Variants in ARGLU1 observed in about 807,000 individuals in gnomAD.
The protein encoded by ARGLU1 is arginine and glutamate-rich protein 1.
ARGLU1 carries 9 observed loss-of-function variants against 37.6 expected under a neutral mutation model. The observed-to-expected ratio is 0.24, with a 90% CI of 0.14 to 0.42. The LOEUF is 0.42. Ranked by LOEUF, ARGLU1 falls within the 10% of genes least tolerant of loss-of-function variation. The pLI is 1.00. For synonymous variants in ARGLU1, 166 were observed against 138.5 expected (o/e 1.20, Z -1.39); for missense variants, 211 against 359.2 (o/e 0.59, Z 3.34).
At chr13:106,551,666 C>T (rs1299526395) in intron 3 of ARGLU1, among the ~76,000 whole-genome samples, 1 of 152,162 alleles carries the variant, frequency 6.6e-6, no homozygotes, top group Non-Finnish European at 1.5e-5. Flanking sequence ...GGGCTGAAAG[C>T]AAGGTGTCAG....
At position 106,543,825 on chromosome 13, in the gene ARGLU1, GA is replaced by G. The variant is rs11349875; in HGVS notation, c.*170del. ...TGATAAGGATTTGACTTAGTGGAAGGAAAAAAAAAAAAAAAAAGGGAATTGC... is the reference window on the plus strand; with the variant it reads ...TGATAAGGATTTGACTTAGTGGAAGGAAAAAAAAAAAAAAAAGGGAATTGC... On this transcript the variant is annotated 3_prime_UTR_variant, in exon 4 of 4. Coordinates refer to ENST00000400198, the MANE Select transcript of ARGLU1 (RefSeq NM_018011.4). 186,089 of 407,228 alleles carry G rather than the reference GA, an allele frequency of 0.46. 21,170 individuals are homozygous for G. Among genetic ancestry groups the G allele is most frequent in the Admixed American group, 0.51 (9,538 of 18,882 alleles). 25.2% of individuals were successfully genotyped at this position (407,228 alleles called of 1,614,324 possible).
chr13:106,566,087 C>CT (rs925824741), intron 1 of ARGLU1, among the ~76,000 whole-genome samples: 2 of 152,212 alleles, frequency 1.3e-5, no homozygotes, highest in Admixed American at 1.3e-4. Context: ...ATCTTTACAG[C>CT]TAAGGGCCTT....
intron 2 of ARGLU1, chr13:106,558,911 G>A (rs1880724392): frequency 1.0e-6 from 1 of 985,388 alleles, no homozygotes; most frequent in Non-Finnish European, 1.2e-6. Context: ...CAGGGTTTAG[G>A]GGAGGGAGTG....
In ARGLU1 at chr13:106,543,961, C is replaced by T. The variant is rs1269299196; in HGVS notation, c.*35G>A. The T allele has an allele frequency of 6.5e-7, 1 of 1,548,420 alleles. No individual in the cohort carries two copies. Among genetic ancestry groups the T allele is most frequent in the Non-Finnish European group, 8.6e-7 (1 of 1,156,766 alleles). ...CATGAAGCTACCATACAAAGTTTTTCCATTTTTCTTTGTAAAAAGTTCAGA... is the reference window on the plus strand; with the variant it reads ...CATGAAGCTACCATACAAAGTTTTTTCATTTTTCTTTGTAAAAAGTTCAGA... On this transcript the variant is annotated 3_prime_UTR_variant, in exon 4 of 4. Coordinates refer to ENST00000400198, the MANE Select transcript of ARGLU1 (RefSeq NM_018011.4).
intron 3 of ARGLU1, among the ~76,000 whole-genome samples, chr13:106,549,453 A>T (rs1363427913): frequency 6.6e-6 from 1 of 152,016 alleles, no homozygotes; most frequent in Non-Finnish European, 1.5e-5. Flanking sequence ...TGAATAAAAA[A>T]ATGAAAAAAA....
chr13:106,561,354 GA>G (rs1880794755), intron 1 of ARGLU1, among the ~76,000 whole-genome samples: 1 of 151,612 alleles, frequency 6.6e-6, no homozygotes, highest in South Asian at 2.1e-4. Context: ...GTTGAATCTG[GA>G]TAATGAGTAC....
In ARGLU1 at chr13:106,542,342, A is replaced by G. The variant is rs979243122; in HGVS notation, c.*1654T>C. On this transcript the variant is annotated 3_prime_UTR_variant, in exon 4 of 4. Transcript: ENST00000400198. ...TTCATGAAATAATTACAGCTAACCT[A>G]TATTTAGAGATAAAATATTTTTTGG... 2.6e-5 allele frequency: 4 copies of G among 152,058 alleles called. No homozygotes were observed. Among genetic ancestry groups the G allele is most frequent in the Admixed American group, 6.5e-5 (1 of 15,268 alleles). 9.4% of individuals were successfully genotyped at this position (152,058 alleles called of 1,614,324 possible). A position where few individuals can be genotyped will look rare whatever the true frequency, so the allele number is the denominator to read the frequency against.
chr13:106,563,009 C>A (rs11069648), intron 1 of ARGLU1, among the ~76,000 whole-genome samples: 14,593 of 92,786 alleles, frequency 0.16, 1,314 homozygotes, highest in East Asian at 0.33. Flanking sequence ...AAAAAAAAAA[C>A]AAAAAAAAAA....
At chr13:106,554,853 C>T (rs1445151356) in intron 3 of ARGLU1, among the ~76,000 whole-genome samples, 1 of 150,786 alleles carries the variant, frequency 6.6e-6, no homozygotes, top group Admixed American at 6.6e-5. Context: ...CCACTGCACT[C>T]CAGCCTAGGC....
At chr13:106,546,396 CCTTT>C (rs938780467) in intron 3 of ARGLU1, among the ~76,000 whole-genome samples, 9 of 152,318 alleles carry the variant, frequency 5.9e-5, no homozygotes, top group Admixed American at 5.9e-4. Context: ...TCTAAATTCT[CCTTT>C]CTATCTTGTT....
chr13:106,551,565 A>G (rs1880531030), intron 3 of ARGLU1, among the ~76,000 whole-genome samples: 1 of 152,134 alleles, frequency 6.6e-6, no homozygotes, highest in Admixed American at 6.5e-5. Context: ...TTCCAAAACC[A>G]CTTCCACATT....
At chr13:106,549,148 T>C (rs1880470771) in intron 3 of ARGLU1, among the ~76,000 whole-genome samples, 1 of 152,246 alleles carries the variant, frequency 6.6e-6, no homozygotes, top group Non-Finnish European at 1.5e-5. Context: ...TTAATCAAGG[T>C]AGTTCTTAGC....
rs1436124754 is a variant in ARGLU1, at chr13:106,542,027, C to A, written c.*1969G>T. On this transcript the variant is annotated 3_prime_UTR_variant, in exon 4 of 4. Coordinates refer to ENST00000400198, the MANE Select transcript of ARGLU1 (RefSeq NM_018011.4). ...GGAAAGTAGTTACCAAGCACAGGAACAATTTCAACATCTCACTGGAGTCTC... is the reference window on the plus strand; with the variant it reads ...GGAAAGTAGTTACCAAGCACAGGAAAAATTTCAACATCTCACTGGAGTCTC... The A allele has an allele frequency of 2.6e-5, 4 of 151,988 alleles. No homozygotes were observed. The highest frequency in any genetic ancestry group is 2.0e-4 in the Admixed American group (3 of 15,256). The allele number at this position is 151,988 out of a possible 1,614,324, so 9.4% of individuals were successfully genotyped here. A position where few individuals can be genotyped will look rare whatever the true frequency, so the allele number is the denominator to read the frequency against.
Position 106,567,926 on chromosome 13 carries a change from G to C in ARGLU1, c.-7C>G, listed in dbSNP as rs749072172. On this transcript the variant is annotated 5_prime_UTR_variant, in exon 1 of 4. Coordinates refer to ENST00000400198, the MANE Select transcript of ARGLU1 (RefSeq NM_018011.4). The surrounding 1 kb of genome is among the most constrained non-coding windows in gnomAD (Gnocchi z 4.3). Reference sequence around the variant, plus strand: ...GGCTCCGAGACCGGCCCATCCTTCCGGGAGACGCTCTAACCGCTCGCCTCA... The same window carrying C: ...GGCTCCGAGACCGGCCCATCCTTCCCGGAGACGCTCTAACCGCTCGCCTCA... 3.7e-6 allele frequency: 6 copies of C among 1,604,456 alleles called. No homozygotes were observed. The highest frequency in any genetic ancestry group is 1.7e-5 in the Admixed American group (1 of 58,914).
intron 2 of ARGLU1, chr13:106,558,813 T>C (rs1167685042): frequency 1.4e-5 from 14 of 985,204 alleles, no homozygotes; most frequent in Non-Finnish European, 1.7e-5. Flanking sequence ...ATAATCTGGA[T>C]ATTTTTCCTA....
In ARGLU1 at chr13:106,567,668, G is replaced by T. The variant is rs369104883; in HGVS notation, c.252C>A (p.Ile84=). 1.2e-6 allele frequency: 2 copies of T among 1,613,448 alleles called. No homozygotes were observed. Among genetic ancestry groups the T allele is most frequent in the Admixed American group, 3.3e-5 (2 of 59,988 alleles). ...TGCGCTTGCTCACCGTGCGCCCGAA[G>T]ATGTCGATGCGGTCGGGCGGGGACG... ...RASSPPDRID[I]FGRTVSKRSS... Residue 84 remains isoleucine, a synonymous_variant, in exon 1 of 4, where the codon ATC becomes ATA. Coordinates refer to ENST00000400198, the MANE Select transcript of ARGLU1 (RefSeq NM_018011.4). The surrounding 1 kb of genome is among the most constrained non-coding windows in gnomAD (Gnocchi z 4.3).
intron 2 of ARGLU1, chr13:106,558,663 A>C: frequency 1.0e-6 from 1 of 985,464 alleles, no homozygotes; most frequent in Non-Finnish European, 1.2e-6. Context: ...GTCTCACAGA[A>C]AGACATTTTC....
intron 1 of ARGLU1, among the ~76,000 whole-genome samples, chr13:106,565,805 G>T (rs948604532): frequency 2.0e-5 from 3 of 152,188 alleles, no homozygotes; most frequent in African/African-American, 7.2e-5. Context: ...TTGGCAGTTT[G>T]TGTCTTCTCT....
chr13:106,557,511 AT>A lies in ARGLU1; in HGVS notation c.574-381del, dbSNP rs1465188770. ...TCTCACCAATTATGTATACCTACGT[AT>A]TCTTTACCTATACTCCTTTAATCAG... On this transcript the variant is annotated intron_variant, in intron 2 of 3. Coordinates refer to ENST00000400198, the MANE Select transcript of ARGLU1 (RefSeq NM_018011.4). The surrounding 1 kb of genome is among the most constrained non-coding windows in gnomAD (Gnocchi z 5.0). The A allele has an allele frequency of 6.9e-7, 1 of 1,453,972 alleles. No individual in the cohort carries two copies. 90.1% of individuals were successfully genotyped at this position (1,453,972 alleles called of 1,614,324 possible). A position where few individuals can be genotyped will look rare whatever the true frequency, so the allele number is the denominator to read the frequency against.
Sources: gnomAD v4.1 joint callset for allele counts (sites outside exome capture counted in the v4.1 genomes callset) on GRCh38, gnomAD v4.1.1 for gene constraint, Gnocchi (gnomAD v3.1) non-coding constraint, MANE v1.5 for transcripts, NCBI Gene and HGNC (gene_info 2026-07-23, HGNC 2026-07-21) for gene names.